PCOLCE2: variants seen among roughly 807,000 people sequenced by gnomAD.
PCOLCE2 encodes the protein procollagen C-proteinase enhancer 2.
A neutral mutation model predicts 47.0 loss-of-function variants in PCOLCE2; 42 were observed. The ratio of observed to expected loss-of-function variants is 0.89; its 90% CI spans 0.70 to 1.16. The LOEUF (loss-of-function observed/expected upper bound fraction) is 1.16, where lower values mean the gene tolerates loss of function less well. Ranked by LOEUF, PCOLCE2 falls within the 50% of genes most tolerant of loss-of-function variation. The probability of loss-of-function intolerance (pLI) is 0.00; values close to 1 mark genes in which losing one functional copy is unlikely to be tolerated. For missense variants in PCOLCE2, 500 were observed against 526.1 expected, an observed-to-expected ratio of 0.95 and a Z score of 0.49; for synonymous variants, 169 against 191.7, an observed-to-expected ratio of 0.88 and a Z score of 0.98.
chr3:142,862,659 T>C (rs1344337549), intron 2 of PCOLCE2, among the ~76,000 whole-genome samples: 1 of 152,126 alleles, frequency 6.6e-6, no homozygotes, highest in African/African-American at 2.4e-5. Context: ...TAGAAGACAA[T>C]GTCATGTATA....
Position 142,829,715 on chromosome 3 carries a change from G to C in PCOLCE2, c.842C>G (p.Thr281Ser). 6.3e-7 allele frequency: 1 copy of C among 1,598,136 alleles called. No homozygotes were observed. Among genetic ancestry groups the C allele is most frequent in the Non-Finnish European group, 8.5e-7 (1 of 1,171,806 alleles). ...KLPTTTEQPVTTTFPVTTGLK... is the reference protein window; with the variant it reads ...KLPTTTEQPVSTTFPVTTGLK... ...ACCCGTGGTTACAGGGAATGTGGTGGTGACAGGCTGTTCTGTAGTTGTAGG... is the reference window on the plus strand; with the variant it reads ...ACCCGTGGTTACAGGGAATGTGGTGCTGACAGGCTGTTCTGTAGTTGTAGG... The change falls in exon 6 of 9, where the codon ACC becomes AGC. Residue 281 changes from threonine (T) to serine (S), a missense_variant. By Grantham distance (58) the Thr-to-Ser change is moderately conservative (BLOSUM62 1). Transcript: ENST00000295992.
intron 4 of PCOLCE2, among the ~76,000 whole-genome samples, chr3:142,841,188 T>G (rs1291257798): frequency 1.3e-5 from 2 of 152,164 alleles, no homozygotes; most frequent in Non-Finnish European, 2.9e-5. Flanking sequence ...AAGGTAATTC[T>G]TTAATAGAAG....
intron 8 of PCOLCE2, among the ~76,000 whole-genome samples, chr3:142,819,815 T>A (rs1396107263): frequency 6.6e-6 from 1 of 152,076 alleles, no homozygotes; most frequent in Non-Finnish European, 1.5e-5. Flanking sequence ...CCGGCTAAAT[T>A]TTTTTATTTT....
intron 2 of PCOLCE2, among the ~76,000 whole-genome samples, chr3:142,864,731 T>C (rs142081796): frequency 6.6e-6 from 1 of 152,344 alleles, no homozygotes; most frequent in African/African-American, 2.4e-5. Flanking sequence ...ACTTGCCTTT[T>C]CTGGACATTC....
chr3:142,874,429 G>A lies in PCOLCE2; in HGVS notation c.192+13240C>T, dbSNP rs139127257. On this transcript the variant is annotated intron_variant, in intron 2 of 8. Coordinates refer to ENST00000295992, the MANE Select transcript of PCOLCE2 (RefSeq NM_013363.4). Reference sequence around the variant, plus strand: ...CCTCACTCTCTGCACGATGTAAGACGTGCCTTGTTTCCCCTTCACCTTCCA... The same window carrying A: ...CCTCACTCTCTGCACGATGTAAGACATGCCTTGTTTCCCCTTCACCTTCCA... Among the ~76,000 whole-genome samples the A allele has an allele frequency of 2.1e-3, 323 of 152,268 alleles. 1 individual carries two copies. Among genetic ancestry groups the A allele is most frequent in the African/African-American group, 6.3e-3 (263 of 41,544 alleles).
intron 2 of PCOLCE2, among the ~76,000 whole-genome samples, chr3:142,859,880 G>C (rs1256713759): frequency 6.6e-6 from 1 of 152,198 alleles, no homozygotes; most frequent in Non-Finnish European, 1.5e-5. Context: ...GAAACAAAAA[G>C]CCCTTCCCTT....
chr3:142,840,151 G>T (rs536046125), intron 4 of PCOLCE2, among the ~76,000 whole-genome samples: 1 of 152,222 alleles, frequency 6.6e-6, no homozygotes, highest in Non-Finnish European at 1.5e-5. Context: ...GTGTGATACC[G>T]TGCACGGCCT....
intron 3 of PCOLCE2, among the ~76,000 whole-genome samples, chr3:142,845,252 T>C (rs963547285): frequency 5.3e-5 from 8 of 152,208 alleles, no homozygotes; most frequent in African/African-American, 1.9e-4. Flanking sequence ...GTTTAAGTTA[T>C]CAAAATTTAC....
In PCOLCE2 at chr3:142,848,308, G is replaced by A; in HGVS notation, c.357C>T (p.Gly119=). 1 of 1,614,136 alleles carries A rather than the reference G, an allele frequency of 6.2e-7. No homozygotes were observed. The highest frequency in any genetic ancestry group is 8.5e-7 in the Non-Finnish European group (1 of 1,179,954). Residue 119 remains glycine (G), a synonymous_variant, in exon 3 of 9, where the codon GGC becomes GGT. Transcript: ENST00000295992. ...TFRPGALVSS[G]NKMMVQMISD... is the part of the protein sequence containing the mutation. ...AAATCATCTGCACCATCATCTTGTT[G>A]CCACTGGACACAAGGGCTCCAGGCC...
chr3:142,819,741 G>C (rs1936991172), intron 8 of PCOLCE2, among the ~76,000 whole-genome samples: 1 of 152,102 alleles, frequency 6.6e-6, no homozygotes, highest in African/African-American at 2.4e-5. Context: ...GACCTCTTAG[G>C]TTCAAGGCAT....
At position 142,853,624 on chromosome 3, in the gene PCOLCE2, A is replaced by G. The variant is rs149014181; in HGVS notation, c.193-5152T>C. Among the ~76,000 whole-genome samples, 936 of 152,278 alleles carry G rather than the reference A, an allele frequency of 6.1e-3. 9 individuals carry two copies. Among genetic ancestry groups the G allele is most frequent in the Middle Eastern group, 0.024 (7 of 294 alleles). On this transcript the variant is annotated intron_variant, in intron 2 of 8. Coordinates refer to ENST00000295992, the MANE Select transcript of PCOLCE2 (RefSeq NM_013363.4). ...TGCTGGCTCCACCTTTTTCATTCTAATATTTCCTACCTTGCCTGGCAGCAG... is the reference window on the plus strand; with the variant it reads ...TGCTGGCTCCACCTTTTTCATTCTAGTATTTCCTACCTTGCCTGGCAGCAG...
chr3:142,860,533 C>A (rs1052031681), intron 2 of PCOLCE2, among the ~76,000 whole-genome samples: 1 of 152,168 alleles, frequency 6.6e-6, no homozygotes, highest in Non-Finnish European at 1.5e-5. Context: ...CTCAGCCCCC[C>A]AAGTAGCTGG....
intron 2 of PCOLCE2, among the ~76,000 whole-genome samples, chr3:142,873,222 C>T (rs184835473): frequency 3.3e-5 from 5 of 151,854 alleles, no homozygotes; most frequent in African/African-American, 7.2e-5. Context: ...GGTGAAACCC[C>T]GTCTCTACTA....
At chr3:142,874,329 C>T (rs1002185385) in intron 2 of PCOLCE2, among the ~76,000 whole-genome samples, 1 of 152,232 alleles carries the variant, frequency 6.6e-6, no homozygotes, top group Admixed American at 6.5e-5. Context: ...CTGCCTTGGC[C>T]TCCCAAAGTG....
At position 142,829,711 on chromosome 3, in the gene PCOLCE2, G is replaced by A. The variant is rs748540443; in HGVS notation, c.846C>T (p.Thr282=). The change falls in exon 6 of 9, where the codon ACC becomes ACT. Residue 282 remains threonine, a synonymous_variant. Coordinates refer to ENST00000295992, the MANE Select transcript of PCOLCE2 (RefSeq NM_013363.4). ...LPTTTEQPVT[T]TFPVTTGLKP... ...ACTTACCCGTGGTTACAGGGAATGT[G>A]GTGGTGACAGGCTGTTCTGTAGTTG... The A allele has an allele frequency of 6.3e-7, 1 of 1,594,892 alleles. No homozygotes were observed. Among genetic ancestry groups the A allele is most frequent in the East Asian group, 2.2e-5 (1 of 44,490 alleles).
Position 142,821,037 on chromosome 3 carries a change from C to T in PCOLCE2, c.958G>A (p.Gly320Ser), listed in dbSNP as rs552293480. The change falls in exon 8 of 9, where the codon GGC (glycine) becomes AGC (serine). Residue 320 changes from glycine (G) to serine (S), a missense_variant. Transcript: ENST00000295992. ...CGAGTGATGGTTGTGATAACAGTGCCGGCTAATACTGCAGAAGAAAACATT... is the reference window on the plus strand; with the variant it reads ...CGAGTGATGGTTGTGATAACAGTGCTGGCTAATACTGCAGAAGAAAACATT... ...NYCSSDFVLA[G>S]TVITTITRDG... 48 of 1,599,748 alleles carry T rather than the reference C, an allele frequency of 3.0e-5. No homozygotes were observed. In the East Asian group the frequency reaches 3.1e-4, roughly 10 times the overall value.
chr3:142,867,858 A>C (rs1397103006), intron 2 of PCOLCE2, among the ~76,000 whole-genome samples: 1 of 152,210 alleles, frequency 6.6e-6, no homozygotes, highest in African/African-American at 2.4e-5. Context: ...TAGAAATATC[A>C]GTGATTAGTT....
intron 5 of PCOLCE2, among the ~76,000 whole-genome samples, chr3:142,835,205 A>G (rs918781535): frequency 6.6e-6 from 1 of 152,188 alleles, no homozygotes; most frequent in Admixed American, 6.5e-5. Flanking sequence ...ACAATAATGA[A>G]CTTTGTAGAT....
At chr3:142,876,097 C>T (rs146828327) in intron 2 of PCOLCE2, among the ~76,000 whole-genome samples, 1,840 of 152,274 alleles carry the variant, frequency 0.012, 35 homozygotes, top group African/African-American at 0.041. Context: ...TCTAGGTTTC[C>T]ACTCAAATGT....
Sources: gnomAD v4.1 joint callset for allele counts (sites outside exome capture counted in the v4.1 genomes callset) on GRCh38, gnomAD v4.1.1 for gene constraint, MANE v1.5 for transcripts, NCBI Gene and HGNC (gene_info 2026-07-23, HGNC 2026-07-21) for gene names.